Variants in PDE4B observed in about 807,000 individuals in gnomAD.
PDE4B encodes the protein 3',5'-cyclic-AMP phosphodiesterase 4B.
A neutral mutation model predicts 82.2 loss-of-function variants in PDE4B; 20 were observed. The ratio of observed to expected loss-of-function variants is 0.24; its 90% confidence interval spans 0.17 to 0.35. The LOEUF is 0.35. Ranked by LOEUF, PDE4B falls within the 10% of genes least tolerant of loss-of-function variation. The probability of loss-of-function intolerance (pLI) is 1.00; values close to 1 mark genes in which losing one functional copy is unlikely to be tolerated. For synonymous variants in PDE4B, 320 were observed against 318.9 expected, an observed-to-expected ratio of 1.00 and a Z score of -0.04; for missense variants, 655 against 907.2, an observed-to-expected ratio of 0.72 and a Z score of 3.57.
intron 3 of PDE4B, among the ~76,000 whole-genome samples, chr1:66,245,051 A>C (rs1158815785): frequency 6.6e-6 from 1 of 152,210 alleles, no homozygotes; most frequent in Non-Finnish European, 1.5e-5. Context: ...CTCGGTGGGC[A>C]TACCCACTTG....
chr1:65,827,309 C>T (rs1241366757), intron 1 of PDE4B, among the ~76,000 whole-genome samples: 2 of 151,800 alleles, frequency 1.3e-5, no homozygotes, highest in Admixed American at 6.6e-5. Flanking sequence ...AATCAGAGCC[C>T]GTCTCAGATA....
intron 3 of PDE4B, among the ~76,000 whole-genome samples, chr1:66,181,316 T>C (rs1647058416): frequency 6.6e-6 from 1 of 152,218 alleles, no homozygotes; most frequent in South Asian, 2.1e-4. Flanking sequence ...ATTACCCGAT[T>C]GGCAAGAAGT....
intron 3 of PDE4B, among the ~76,000 whole-genome samples, chr1:66,017,884 C>T (rs1172917102): frequency 6.6e-6 from 1 of 151,754 alleles, no homozygotes; most frequent in African/African-American, 2.4e-5. Context: ...CAATTTATAC[C>T]TCACCAATTA....
At chr1:66,166,937 T>C (rs992416592) in intron 3 of PDE4B, among the ~76,000 whole-genome samples, 5 of 152,104 alleles carry the variant, frequency 3.3e-5, no homozygotes, top group Non-Finnish European at 7.4e-5. Context: ...TGGACAATGA[T>C]CATATGAAAG....
rs148833566 is a variant in PDE4B, at chr1:65,793,734, C to T, written c.-71+486C>T. Among the ~76,000 whole-genome samples, 292 of 152,304 alleles carry T rather than the reference C, an allele frequency of 1.9e-3. 1 individual carries two copies. The highest frequency in any genetic ancestry group is 6.7e-3 in the African/African-American group (277 of 41,572). On this transcript the variant is annotated intron_variant, in intron 1 of 16. Transcript: ENST00000341517. ...ACCAAGGAGGGGCGCACTCAAGCCT[C>T]GGCATCACCAAGGCTCTGCCAGGAA...
chr1:66,359,295 CT>C (rs1662565627), intron 9 of PDE4B, among the ~76,000 whole-genome samples: 1 of 152,184 alleles, frequency 6.6e-6, no homozygotes, highest in Non-Finnish European at 1.5e-5. Flanking sequence ...GATGAGACTA[CT>C]TTTTTATCCG....
chr1:66,075,498 T>G (rs1656379754), intron 3 of PDE4B, among the ~76,000 whole-genome samples: 1 of 152,156 alleles, frequency 6.6e-6, no homozygotes, highest in East Asian at 1.9e-4. Flanking sequence ...TCTCAGGGCC[T>G]TTATTCCCTC....
chr1:66,096,038 TCTC>T (rs1310893301), intron 3 of PDE4B, among the ~76,000 whole-genome samples: 1 of 151,764 alleles, frequency 6.6e-6, no homozygotes, highest in Non-Finnish European at 1.5e-5. Flanking sequence ...CATCCAATAT[TCTC>T]CTTCTAGCTA....
chr1:65,921,776 C>A (rs763757180), intron 3 of PDE4B, among the ~76,000 whole-genome samples: 1 of 152,158 alleles, frequency 6.6e-6, no homozygotes, highest in East Asian at 1.9e-4. Context: ...AAAAGTTTCC[C>A]TTTCTAGGCT....
chr1:66,131,114 A>G (rs1645933039), intron 3 of PDE4B, among the ~76,000 whole-genome samples: 1 of 152,158 alleles, frequency 6.6e-6, no homozygotes, highest in South Asian at 2.1e-4. Flanking sequence ...TCAGGTTGGC[A>G]GTCCAAAGTC....
chr1:66,244,433 T>G (rs1241885965), intron 3 of PDE4B, among the ~76,000 whole-genome samples: 1 of 152,166 alleles, frequency 6.6e-6, no homozygotes, highest in African/African-American at 2.4e-5. Flanking sequence ...TGGCCCTATT[T>G]ATGTGTTTGT....
intron 7 of PDE4B, among the ~76,000 whole-genome samples, chr1:66,305,721 G>A (rs1475474133): frequency 6.6e-6 from 1 of 152,116 alleles, no homozygotes; most frequent in Non-Finnish European, 1.5e-5. Context: ...TCATTGGATA[G>A]TAATTTGTCT....
At chr1:66,111,415 T>G (rs937584643) in intron 3 of PDE4B, among the ~76,000 whole-genome samples, 2 of 152,094 alleles carry the variant, frequency 1.3e-5, no homozygotes, top group Non-Finnish European at 2.9e-5. Flanking sequence ...AAACAATAAT[T>G]CCACATTTCC....
chr1:65,979,406 GA>G (rs1569872943), intron 3 of PDE4B, among the ~76,000 whole-genome samples: 1 of 152,198 alleles, frequency 6.6e-6, no homozygotes, highest in East Asian at 1.9e-4. Context: ...ACTCCATTGG[GA>G]AGGTCACAAG....
intron 3 of PDE4B, among the ~76,000 whole-genome samples, chr1:66,224,898 A>G (rs1651307605): frequency 6.6e-6 from 1 of 152,156 alleles, no homozygotes; most frequent in Non-Finnish European, 1.5e-5. Context: ...TAAACCTCCA[A>G]AACTATGCCC....
intron 3 of PDE4B, among the ~76,000 whole-genome samples, chr1:66,107,698 T>G (rs10889602): frequency 0.094 from 14,362 of 152,006 alleles, 1,609 homozygotes; most frequent in African/African-American, 0.26. Context: ...GGAGCTTTCA[T>G]GATTCTAAAC....
chr1:66,052,873 G>A (rs960347484), intron 3 of PDE4B, among the ~76,000 whole-genome samples: 2 of 144,960 alleles, frequency 1.4e-5, no homozygotes, highest in Non-Finnish European at 3.1e-5. Flanking sequence ...AGGCTGATGG[G>A]CAGCTTCTTC....
chr1:66,219,326 A>C (rs1650770407), intron 3 of PDE4B, among the ~76,000 whole-genome samples: 1 of 152,168 alleles, frequency 6.6e-6, no homozygotes, highest in Non-Finnish European at 1.5e-5. Flanking sequence ...CATTGCTTTT[A>C]CTTTGTGCCA....
chr1:65,860,652 C>T (rs991457402), intron 1 of PDE4B, among the ~76,000 whole-genome samples: 1 of 152,184 alleles, frequency 6.6e-6, no homozygotes, highest in Non-Finnish European at 1.5e-5. Flanking sequence ...AACTAATTTA[C>T]ACTCCCTCCA....
Sources: gnomAD v4.1 joint callset for allele counts (sites outside exome capture counted in the v4.1 genomes callset) on GRCh38, gnomAD v4.1.1 for gene constraint, MANE v1.5 for transcripts, NCBI Gene and HGNC (gene_info 2026-07-23, HGNC 2026-07-21) for gene names.